SEPTIN5: variants seen among roughly 807,000 people sequenced by gnomAD.
The protein encoded by SEPTIN5 is septin 5.
A neutral mutation model predicts 51.2 loss-of-function variants in SEPTIN5; 16 were observed. The observed-to-expected ratio is 0.31, with a 90% CI of 0.21 to 0.47. SEPTIN5 has a LOEUF of 0.47. Ranked by LOEUF, SEPTIN5 falls within the 20% of genes least tolerant of loss-of-function variation. SEPTIN5 has a pLI of 0.99. For missense variants in SEPTIN5, 376 were observed against 500.3 expected, an observed-to-expected ratio of 0.75 and a Z score of 2.37; for synonymous variants, 208 against 191.2, an observed-to-expected ratio of 1.09 and a Z score of -0.72.
At chr22:19,717,562 T>TA (rs1344080083) in intron 2 of SEPTIN5, 23 of 325,396 alleles carry the variant, frequency 7.1e-5, no homozygotes, top group African/African-American at 5.1e-4. Context: ...GGGCAGCGCA[T>TA]GGGTGGCCGG....
intron 2 of SEPTIN5, chr22:19,718,702 T>C (rs767349867): frequency 4.0e-6 from 5 of 1,262,476 alleles, no homozygotes; most frequent in Admixed American, 3.6e-5. Context: ...GGGCCTGGGG[T>C]CCGAGCGTGC....
rs761292229 is a variant in SEPTIN5 at position 19,718,840 on chromosome 22, A to G, written c.55-762A>G. 26 of 1,235,108 alleles carry G rather than the reference A, an allele frequency of 2.1e-5. 1 individual carries two copies. The East Asian group carries it at 2.2e-4, about 10-fold the overall frequency. The allele number at this position is 1,235,108 out of a possible 1,614,324, so 76.5% of individuals were successfully genotyped here. ...CAAGGTGCGTGTGTGGAGAGGGCGG[A>G]ACGTGGGTCTGTGACCCCGCGGGCT... is the stretch of plus-strand genomic sequence containing the variant. On this transcript the variant is annotated intron_variant, in intron 2 of 11. Transcript: ENST00000455784.
rs1936083612 is a variant in SEPTIN5 at position 19,723,089 on chromosome 22, G to C, written c.*605G>C. 1 of 531,168 alleles carries C rather than the reference G, an allele frequency of 1.9e-6. No homozygotes were observed. Among genetic ancestry groups the C allele is most frequent in the African/African-American group, 1.9e-5 (1 of 53,780 alleles). The allele number at this position is 531,168 out of a possible 1,614,324, so 32.9% of individuals were successfully genotyped here. ...TCCACAGCCCGGCCCGACCTGGAGG[G>C]CCCCCGGGGCACTGGGCGGTGAGCC... On this transcript the variant is annotated 3_prime_UTR_variant, in exon 12 of 12. Transcript: ENST00000455784.
intron 2 of SEPTIN5, among the ~76,000 whole-genome samples, chr22:19,715,652 A>G (rs1244953162): frequency 6.6e-6 from 1 of 152,226 alleles, no homozygotes; most frequent in African/African-American, 2.4e-5. Context: ...CCCATCAGGG[A>G]TGGAGTTTCT....
rs1448726139 is a variant in SEPTIN5 at position 19,719,706 on chromosome 22, G to C, written c.151+8G>C. On this transcript the variant is annotated splice_region_variant and intron_variant, in intron 3 of 11. Coordinates refer to ENST00000455784, the MANE Select transcript of SEPTIN5 (RefSeq NM_002688.6). ...TCACACTCATGGTGGCTGGTGAGTG[G>C]GCCAGGCTCCTCGGGGGAGTGGCTG... The C allele has an allele frequency of 6.2e-7, 1 of 1,612,492 alleles. No homozygotes were observed. Among genetic ancestry groups the C allele is most frequent in the Non-Finnish European group, 8.5e-7 (1 of 1,179,748 alleles).
rs895828507 is a variant in SEPTIN5 at position 19,722,831 on chromosome 22, C to T, written c.*347C>T. ...TAGGCAGAAGAGGATTCCCAGGATC[C>T]TGGGTCTGTTCCCTGCCCCAGTGCT... On this transcript the variant is annotated 3_prime_UTR_variant, in exon 12 of 12. Transcript: ENST00000455784. The T allele has an allele frequency of 4.2e-6, 2 of 472,852 alleles. No homozygotes were observed. Among genetic ancestry groups the T allele is most frequent in the Non-Finnish European group, 7.8e-6 (2 of 256,872 alleles). The allele number at this position is 472,852 out of a possible 1,614,324, so 29.3% of individuals were successfully genotyped here. A position where few individuals can be genotyped will look rare whatever the true frequency, so the allele number is the denominator to read the frequency against.
Position 19,722,408 on chromosome 22 carries a change from C to A in SEPTIN5, c.1054-20C>A, listed in dbSNP as rs1467100899. On this transcript the variant is annotated intron_variant, in intron 11 of 11. Coordinates refer to ENST00000455784, the MANE Select transcript of SEPTIN5 (RefSeq NM_002688.6). ...CTCCTCCGCGGTGCTGCTCACCCGC[C>A]GGGTTGTCTCCGCCCGCAGCTGAGG... is the stretch of plus-strand genomic sequence containing the variant. 3.8e-6 allele frequency: 6 copies of A among 1,596,460 alleles called. No homozygotes were observed. Among genetic ancestry groups the A allele is most frequent in the Non-Finnish European group, 4.3e-6 (5 of 1,171,862 alleles).
chr22:19,722,025 C>T lies in SEPTIN5; in HGVS notation c.950+68C>T, dbSNP rs952559994. The T allele has an allele frequency of 6.5e-6, 10 of 1,545,376 alleles. No homozygotes were observed. The African/African-American group carries it at 1.2e-4, about 19-fold the overall frequency. ...CGCCCACGTCTCCATAACTGAGGGC[C>T]GGTCCTGTCAGCCCACCCAGACTTG... On this transcript the variant is annotated intron_variant, in intron 10 of 11. Transcript: ENST00000455784.
At position 19,714,507 on chromosome 22, in the gene SEPTIN5, C is replaced by T. The variant is rs997395355; in HGVS notation, c.-82C>T. Reference sequence around the variant, plus strand: ...GGCGGCGCGGAGGGGCCGCTCACCCCGCAGCCCGGCCTCGGCCTCCGCCGC... The same window carrying T: ...GGCGGCGCGGAGGGGCCGCTCACCCTGCAGCCCGGCCTCGGCCTCCGCCGC... On this transcript the variant is annotated 5_prime_UTR_variant, in exon 1 of 12. Coordinates refer to ENST00000455784, the MANE Select transcript of SEPTIN5 (RefSeq NM_002688.6). The surrounding 1 kb of genome is among the most constrained non-coding windows in gnomAD (Gnocchi z 5.2). 3 of 969,550 alleles carry T rather than the reference C, an allele frequency of 3.1e-6. No homozygotes were observed. Among genetic ancestry groups the T allele is most frequent in the South Asian group, 3.7e-5 (1 of 27,026 alleles). 60.1% of individuals were successfully genotyped at this position (969,550 alleles called of 1,614,324 possible). A position where few individuals can be genotyped will look rare whatever the true frequency, so the allele number is the denominator to read the frequency against.
chr22:19,721,817 C>G lies in SEPTIN5; in HGVS notation c.815-5C>G, dbSNP rs1388652533. On this transcript the variant is annotated splice_polypyrimidine_tract_variant and splice_region_variant and intron_variant, in intron 9 of 11. Coordinates refer to ENST00000455784, the MANE Select transcript of SEPTIN5 (RefSeq NM_002688.6). ...GCCAGCCCACTACCCACCCCCACCC[C>G]GCAGTGGAGAACCAGGCGCATTGCG... is the stretch of plus-strand genomic sequence containing the variant. 1 of 1,606,690 alleles carries G rather than the reference C, an allele frequency of 6.2e-7. No individual in the cohort carries two copies. The highest frequency in any genetic ancestry group is 8.5e-7 in the Non-Finnish European group (1 of 1,175,250).
In SEPTIN5 at chr22:19,722,325, A is replaced by C; in HGVS notation, c.1039A>C (p.Met347Leu). The stretch of plus-strand genomic sequence containing the variant: ...CGCCGAGACTGAGAAGCTTATCAGG[A>C]TGAAGGATGAGGAAGTATGTGGGGC... ...PDAETEKLIR[M>L]KDEELRRMQE... Residue 347 changes from methionine (M) to leucine (L), a missense_variant, in exon 11 of 12, where the codon ATG becomes CTG. Around this residue, in one of 2 missense-constraint regions of SEPTIN5, gnomAD observed 89 missense variants for 83.3 expected, o/e 1.07. Coordinates refer to ENST00000455784, the MANE Select transcript of SEPTIN5 (RefSeq NM_002688.6). 6.2e-7 allele frequency: 1 copy of C among 1,610,312 alleles called. No homozygotes were observed. Among genetic ancestry groups the C allele is most frequent in the Non-Finnish European group, 8.5e-7 (1 of 1,178,912 alleles).
At chr22:19,721,589 A>T in intron 8 of SEPTIN5, 51 bp from the exon 9 acceptor site, 1 of 1,597,444 alleles carries the variant, frequency 6.3e-7, no homozygotes, top group Non-Finnish European at 8.6e-7. Flanking sequence ...CCCATCAGTA[A>T]CCGTGCAATT....
intron 2 of SEPTIN5, chr22:19,718,823 G>A (rs1313791791): frequency 1.2e-5 from 15 of 1,237,052 alleles, no homozygotes; most frequent in Non-Finnish European, 1.5e-5. Flanking sequence ...CTCAAGGTGC[G>A]TGTGTGGAGA....
In SEPTIN5 at chr22:19,722,468, A is replaced by G; in HGVS notation, c.1094A>G (p.Gln365Arg). Residue 365 changes from glutamine (Q) to arginine (R), a missense_variant, in exon 12 of 12, where the codon CAG becomes CGG. Gln to Arg is a conservative substitution (Grantham distance 43). Transcript: ENST00000455784. Reference sequence around the variant, plus strand: ...GAGATGCTGCAGAGGATGAAGCAGCAGATGCAGGACCAGTGACGCTCGCCG... The same window carrying G: ...GAGATGCTGCAGAGGATGAAGCAGCGGATGCAGGACCAGTGACGCTCGCCG... ...MQEMLQRMKQ[Q>R]MQDQ The G allele has an allele frequency of 1.9e-6, 3 of 1,600,266 alleles. No homozygotes were observed. The highest frequency in any genetic ancestry group is 2.7e-5 in the African/African-American group (2 of 74,706).
At position 19,723,150 on chromosome 22, in the gene SEPTIN5, C is replaced by T. The variant is rs1000267092; in HGVS notation, c.*666C>T. The T allele has an allele frequency of 8.9e-6, 5 of 561,222 alleles. No homozygotes were observed. In the African/African-American group the frequency reaches 9.1e-5, roughly 10 times the overall value. The allele number at this position is 561,222 out of a possible 1,614,324, so 34.8% of individuals were successfully genotyped here. Reference sequence around the variant, plus strand: ...AACTCTCGGTGCCGTCCCCTGCCCTCGCTCGAGGCCTCTTCTCCCCAGCAC... The same window carrying T: ...AACTCTCGGTGCCGTCCCCTGCCCTTGCTCGAGGCCTCTTCTCCCCAGCAC... On this transcript the variant is annotated 3_prime_UTR_variant, in exon 12 of 12. Coordinates refer to ENST00000455784, the MANE Select transcript of SEPTIN5 (RefSeq NM_002688.6).
chr22:19,716,791 C>T (rs903774499), intron 2 of SEPTIN5, among the ~76,000 whole-genome samples: 1 of 152,200 alleles, frequency 6.6e-6, no homozygotes, highest in African/African-American at 2.4e-5. Flanking sequence ...ACCTCCTAGC[C>T]TGAGGCCTAG....
intron 2 of SEPTIN5, chr22:19,718,729 G>T (rs778025172): frequency 8.0e-6 from 10 of 1,244,822 alleles, no homozygotes; most frequent in Admixed American, 4.0e-5. Context: ...GCCTGGGGGG[G>T]TCGCCGCGAT....
At position 19,722,764 on chromosome 22, in the gene SEPTIN5, AGCACCCAAACCGCAG is replaced by A; in HGVS notation, c.*283_*297del. ...CCTTCCCCCGCCCCCGGACGGTCAC[AGCACCCAAACCGCAG>A]GCCCTGCTCTGGCAGGCAGGCAAAG... On this transcript the variant is annotated 3_prime_UTR_variant, in exon 12 of 12. Coordinates refer to ENST00000455784, the MANE Select transcript of SEPTIN5 (RefSeq NM_002688.6). 1 of 543,102 alleles carries A rather than the reference AGCACCCAAACCGCAG, an allele frequency of 1.8e-6. No homozygotes were observed. The highest frequency in any genetic ancestry group is 3.3e-6 in the Non-Finnish European group (1 of 300,826). 33.6% of individuals were successfully genotyped at this position (543,102 alleles called of 1,614,324 possible).
chr22:19,721,579 C>T, intron 8 of SEPTIN5, 61 bp from the exon 9 acceptor site: 1 of 1,569,522 alleles, frequency 6.4e-7, no homozygotes, highest in Non-Finnish European at 8.8e-7. Context: ...ATGCCCGTTT[C>T]CCATCAGTAA....
Sources: gnomAD v4.1 joint callset for allele counts (sites outside exome capture counted in the v4.1 genomes callset) on GRCh38, gnomAD v4.1.1 for gene constraint, gnomAD v4.1.1 regional missense constraint, Gnocchi (gnomAD v3.1) non-coding constraint, MANE v1.5 for transcripts, NCBI Gene and HGNC (gene_info 2026-07-23, HGNC 2026-07-21) for gene names.